COL19A1: variants seen among roughly 807,000 people sequenced by gnomAD.
COL19A1 encodes collagen type XIX alpha 1 chain.
In COL19A1, 159 loss-of-function variants were observed where a neutral mutation model predicts 190.2. That is an observed-to-expected ratio of 0.84 (90% CI 0.73 to 0.95). The LOEUF (loss-of-function observed/expected upper bound fraction) is 0.95. Among genes scored for constraint, COL19A1 ranks in the 40% least tolerant of loss-of-function variants. The probability of loss-of-function intolerance (pLI) is 0.00; values close to 1 mark genes in which losing one functional copy is unlikely to be tolerated. For missense variants in COL19A1, 1,418 were observed against 1,431.9 expected, an observed-to-expected ratio of 0.99 and a Z score of 0.16; for synonymous variants, 509 against 458.9, an observed-to-expected ratio of 1.11 and a Z score of -1.39.
chr6:69,896,106 C>T (rs968876359), intron 2 of COL19A1, among the ~76,000 whole-genome samples: 5 of 152,112 alleles, frequency 3.3e-5, no homozygotes, highest in Non-Finnish European at 5.9e-5. Flanking sequence ...GGTTTTGTTG[C>T]TCCACATCCT....
chr6:69,896,400 G>A (rs908401940), intron 2 of COL19A1, among the ~76,000 whole-genome samples: 4 of 151,708 alleles, frequency 2.6e-5, no homozygotes, highest in African/African-American at 9.7e-5. Context: ...AGCCGGGCGC[G>A]GTGGCGGGTG....
At position 69,959,898 on chromosome 6, in the gene COL19A1, T is replaced by C. The variant is rs1774664544; in HGVS notation, c.937-98T>C. 5 of 1,047,340 alleles carry C rather than the reference T, an allele frequency of 4.8e-6. No homozygotes were observed. The South Asian group carries it at 8.1e-5, about 17-fold the overall frequency. 64.9% of individuals were successfully genotyped at this position (1,047,340 alleles called of 1,614,324 possible). Reference sequence around the variant, plus strand: ...ATAGATATTCAGTATTAGGCTACCTTTCCCCACAACACTAGAGCTATTTGT... The same window carrying C: ...ATAGATATTCAGTATTAGGCTACCTCTCCCCACAACACTAGAGCTATTTGT... On this transcript the variant is annotated intron_variant, in intron 9 of 50. Coordinates refer to ENST00000620364, the MANE Select transcript of COL19A1 (RefSeq NM_001858.6).
At chr6:69,874,576 C>A (rs1768022065) in intron 1 of COL19A1, among the ~76,000 whole-genome samples, 1 of 151,930 alleles carries the variant, frequency 6.6e-6, no homozygotes, top group African/African-American at 2.4e-5. Context: ...ACGGTGAAAC[C>A]CCATCTCTAC....
chr6:70,005,175 C>T (rs890071334), intron 11 of COL19A1, among the ~76,000 whole-genome samples: 2 of 152,114 alleles, frequency 1.3e-5, no homozygotes, highest in Admixed American at 6.5e-5. Flanking sequence ...ATCCTCCGTC[C>T]AGTTCTGTAC....
Position 70,151,421 on chromosome 6 carries a change from A to G in COL19A1, c.2062A>G (p.Ile688Val). ...DPIALPLLGD[I>V]GALLKNFCGN... ...GATTGCACTTCCTCTCTTGGGAGAC[A>G]TCGGTGCTTTGCTCAAGGTACTCTA... is the stretch of plus-strand genomic sequence containing the variant. Residue 688 changes from isoleucine (I) to valine (V), a missense_variant, in exon 31 of 51, where the codon ATC becomes GTC. Coordinates refer to ENST00000620364, the MANE Select transcript of COL19A1 (RefSeq NM_001858.6). 1.2e-6 allele frequency: 2 copies of G among 1,612,826 alleles called. No homozygotes were observed. The highest frequency in any genetic ancestry group is 1.1e-5 in the South Asian group (1 of 91,032).
intron 9 of COL19A1, among the ~76,000 whole-genome samples, chr6:69,946,492 G>A (rs1408739894): frequency 6.6e-6 from 1 of 151,924 alleles, no homozygotes; most frequent in Non-Finnish European, 1.5e-5. Context: ...GTGTGAATAT[G>A]TCTAGTTTTA....
intron 12 of COL19A1, among the ~76,000 whole-genome samples, chr6:70,032,324 G>T (rs1194279149): frequency 6.6e-6 from 1 of 152,120 alleles, no homozygotes; most frequent in South Asian, 2.1e-4. Context: ...GACAGGATGG[G>T]GGCCATGGTC....
chr6:70,051,012 A>G (rs1780172258), intron 14 of COL19A1, among the ~76,000 whole-genome samples: 1 of 152,134 alleles, frequency 6.6e-6, no homozygotes, highest in Non-Finnish European at 1.5e-5. Context: ...GCTTGGGCAT[A>G]TCACTTAGTA....
chr6:69,994,166 T>C (rs1776775352), intron 11 of COL19A1, among the ~76,000 whole-genome samples: 1 of 152,098 alleles, frequency 6.6e-6, no homozygotes, highest in Non-Finnish European at 1.5e-5. Flanking sequence ...AGGCAGCAAC[T>C]CAAAATAATG....
At chr6:69,899,067 A>C (rs890669452) in intron 3 of COL19A1, 45 bp downstream of exon 3, 1 of 1,259,484 alleles carries the variant, frequency 7.9e-7, no homozygotes, top group Admixed American at 1.7e-5. Flanking sequence ...ATGTAAAATT[A>C]TCACCAAATG....
At chr6:70,051,213 A>G (rs887268091) in intron 14 of COL19A1, among the ~76,000 whole-genome samples, 2 of 152,152 alleles carry the variant, frequency 1.3e-5, no homozygotes, top group African/African-American at 4.8e-5. Flanking sequence ...AGGATAGAGA[A>G]TAAATGTAAG....
In COL19A1 at chr6:70,156,360, G is replaced by A; in HGVS notation, c.2229G>A (p.Glu743=). ...GTCCTCCAGGAATCCCAGGAAGAGA[G>A]GGACCAAAGGTAAGAAATTCTCTCC... ...PRGPPGIPGR[E]GPKGSKGERG... Residue 743 remains glutamate (E), a synonymous_variant, in exon 33 of 51, where the codon GAG becomes GAA. Coordinates refer to ENST00000620364, the MANE Select transcript of COL19A1 (RefSeq NM_001858.6). The A allele has an allele frequency of 6.2e-7, 1 of 1,613,280 alleles. No individual in the cohort carries two copies.
Position 70,168,160 on chromosome 6 carries a change from T to G in COL19A1, c.2497-11T>G. 1 of 1,612,816 alleles carries G rather than the reference T, an allele frequency of 6.2e-7. No homozygotes were observed. Among genetic ancestry groups the G allele is most frequent in the Non-Finnish European group, 8.5e-7 (1 of 1,179,368 alleles). ...TTTCTCTTTTTCTTTTCTTTTCATT[T>G]TCTTTTGAAGGGAGGTGTGAATGTT... On this transcript the variant is annotated splice_polypyrimidine_tract_variant and intron_variant, in intron 38 of 50. Transcript: ENST00000620364.
intron 4 of COL19A1, among the ~76,000 whole-genome samples, chr6:69,921,471 C>CATATTTCAT (rs1771884414): frequency 1.0e-4 from 1 of 9,814 alleles, no homozygotes; most frequent in East Asian, 8.9e-3. Context: ...CATATATATT[C>CATATTTCAT]ATATATTCAT....
chr6:70,062,511 G>A lies in COL19A1; in HGVS notation c.1171-5912G>A, dbSNP rs202219822. On this transcript the variant is annotated intron_variant, in intron 14 of 50. Transcript: ENST00000620364. ...AACATGGAAAGGAACAACTGGTAAC[G>A]GCCACTGCAAAAACATGCCAAATTG... Among the ~76,000 whole-genome samples the A allele has an allele frequency of 1.0e-3, 152 of 152,018 alleles. 3 individuals carry two copies. In the East Asian group the frequency reaches 0.026, roughly 26 times the overall value.
intron 4 of COL19A1, among the ~76,000 whole-genome samples, chr6:69,921,161 ATATT>A (rs574967931): frequency 2.3e-3 from 293 of 129,038 alleles, no homozygotes; most frequent in Non-Finnish European, 3.9e-3. Flanking sequence ...TATCACGTAT[ATATT>A]CATATACGTA....
chr6:70,043,487 C>T (rs772434233), intron 14 of COL19A1, among the ~76,000 whole-genome samples: 13 of 152,152 alleles, frequency 8.5e-5, no homozygotes, highest in African/African-American at 2.4e-4. Context: ...CCACCGCGCC[C>T]GGCCACAAAA....
intron 4 of COL19A1, among the ~76,000 whole-genome samples, chr6:69,914,729 C>T (rs1035050971): frequency 3.3e-5 from 5 of 152,126 alleles, no homozygotes; most frequent in African/African-American, 9.7e-5. Context: ...GCTTTCAAGG[C>T]TTATGCTTTG....
intron 9 of COL19A1, among the ~76,000 whole-genome samples, chr6:69,954,720 C>A: frequency 6.6e-6 from 1 of 151,970 alleles, no homozygotes; most frequent in East Asian, 1.9e-4. Flanking sequence ...TCTTTTTATC[C>A]AAACTAGATT....
Sources: allele counts gnomAD v4.1 joint callset (sites outside exome capture counted in the v4.1 genomes callset), GRCh38; gene constraint gnomAD v4.1.1; transcripts MANE v1.5; gene names NCBI Gene and HGNC (gene_info 2026-07-23, HGNC 2026-07-21).